The following CCDC73 variants were observed in gnomAD, a reference collection of about 807,000 sequenced individuals.
CCDC73 encodes the protein coiled-coil domain containing 73.
In CCDC73, 95 loss-of-function variants were observed where a neutral mutation model predicts 116.5. The observed-to-expected ratio is 0.82, with a 90% CI of 0.69 to 0.97. The LOEUF (loss-of-function observed/expected upper bound fraction) is 0.97. Among genes scored for constraint, CCDC73 ranks in the 50% least tolerant of loss-of-function variants. The pLI is 0.00. For missense variants in CCDC73, 1,066 were observed against 1,206.8 expected (o/e 0.88, Z 1.73); for synonymous variants, 398 against 401.3 (o/e 0.99, Z 0.10).
chr11:32,687,004 T>C, intron 6 of CCDC73, among the ~76,000 whole-genome samples: 1 of 152,224 alleles, frequency 6.6e-6, no homozygotes, highest in Non-Finnish European at 1.5e-5. Flanking sequence ...TCCTTCACTT[T>C]ATGGAAAATT....
At chr11:32,655,047 CA>C (rs2133263376) in intron 9 of CCDC73, 75 bp from the exon 10 acceptor site, 4 of 631,088 alleles carry the variant, frequency 6.3e-6, no homozygotes, top group Middle Eastern at 3.7e-4. Flanking sequence ...CTGACAGTTT[CA>C]AAGTTCATCC....
chr11:32,631,648 AAAGGAAGGAAAGG>A (rs1456445433), intron 14 of CCDC73, among the ~76,000 whole-genome samples: 59 of 151,868 alleles, frequency 3.9e-4, no homozygotes, highest in East Asian at 1.9e-3. Flanking sequence ...AAAGGAAAGG[AAAGGAAGGAAAGG>A]AAGGAAGGAA....
At chr11:32,830,453 C>CA in the CCDC73 span, 2 of 1,269,010 alleles carry the variant, frequency 1.6e-6, no homozygotes, top group South Asian at 1.8e-5. Context: ...GACAGAAACT[C>CA]AAAGTGCTGA....
At position 32,710,884 on chromosome 11, in the gene CCDC73, A is replaced by T. The variant is rs534760031; in HGVS notation, c.207+7192T>A. The stretch of plus-strand genomic sequence containing the variant: ...AGATGAATAGATGGGACTTAATTAA[A>T]CTAAAAAGATTCTGCACAGCAAAAG... On this transcript the variant is annotated intron_variant, in intron 3 of 17. Coordinates refer to ENST00000335185, the MANE Select transcript of CCDC73 (RefSeq NM_001008391.4). Among the ~76,000 whole-genome samples the T allele has an allele frequency of 3.3e-5, 5 of 152,358 alleles. No individual in the cohort carries two copies. In the East Asian group the frequency reaches 9.6e-4, roughly 29 times the overall value.
the CCDC73 span, among the ~76,000 whole-genome samples, chr11:32,825,147 C>T: frequency 1.3e-5 from 2 of 151,960 alleles, no homozygotes; most frequent in Admixed American, 6.6e-5. Flanking sequence ...CAAGCCAGGG[C>T]GGTACATAAA....
intron 1 of CCDC73, among the ~76,000 whole-genome samples, chr11:32,776,935 AAATATAT>A (rs1850537741): frequency 3.4e-5 from 1 of 29,444 alleles, no homozygotes; most frequent in African/African-American, 1.1e-4. Context: ...TAAAAAAAAA[AAATATAT>A]ATATATATAT....
intron 16 of CCDC73, among the ~76,000 whole-genome samples, chr11:32,612,219 A>G (rs1855427911): frequency 6.6e-6 from 1 of 152,166 alleles, no homozygotes; most frequent in African/African-American, 2.4e-5. Context: ...AAGGTGTCTA[A>G]GTGCACAATG....
chr11:32,767,260 CT>C (rs1275419254), intron 1 of CCDC73, among the ~76,000 whole-genome samples: 1 of 152,180 alleles, frequency 6.6e-6, no homozygotes, highest in Non-Finnish European at 1.5e-5. Context: ...GGAAAACTGG[CT>C]AGCCATATGT....
At chr11:32,621,369 C>A (rs1855521667) in intron 14 of CCDC73, among the ~76,000 whole-genome samples, 1 of 152,138 alleles carries the variant, frequency 6.6e-6, no homozygotes, top group Non-Finnish European at 1.5e-5. Context: ...AATAAGACCA[C>A]ACGTCTACAA....
chr11:32,806,613 C>T, the CCDC73 span, among the ~76,000 whole-genome samples: 1 of 135,894 alleles, frequency 7.4e-6, no homozygotes, highest in East Asian at 2.2e-4. Flanking sequence ...GCCTGGGTGA[C>T]AGAGCAAGAC....
chr11:32,609,080 A>G (rs1189275378), intron 17 of CCDC73, among the ~76,000 whole-genome samples: 3 of 151,982 alleles, frequency 2.0e-5, no homozygotes, highest in Non-Finnish European at 4.4e-5. Flanking sequence ...CCCTGGAGAC[A>G]TTTTCCCCAT....
In CCDC73 at chr11:32,614,114, A is replaced by G. The variant is rs1393906098; in HGVS notation, c.2204T>C (p.Met735Thr). The G allele has an allele frequency of 6.8e-6, 11 of 1,613,622 alleles. No homozygotes were observed. Among genetic ancestry groups the G allele is most frequent in the African/African-American group, 1.3e-5 (1 of 74,920 alleles). The change falls in exon 16 of 18, where the codon ATG (methionine) becomes ACG (threonine). Residue 735 changes from methionine (M) to threonine (T), a missense_variant. Coordinates refer to ENST00000335185, the MANE Select transcript of CCDC73 (RefSeq NM_001008391.4). ...NSDKNVHSMSMLVKPNSSPGG... is the reference protein window; with the variant it reads ...NSDKNVHSMSTLVKPNSSPGG... ...AGGGCTTGAGTTAGGTTTCACCAAC[A>G]TAGACATACTATGGACATTTTTATC...
At chr11:32,744,228 T>C (rs1405461053) in intron 2 of CCDC73, among the ~76,000 whole-genome samples, 1 of 152,250 alleles carries the variant, frequency 6.6e-6, no homozygotes. Context: ...ATGCATATGT[T>C]GAACCAGCCT....
chr11:32,704,815 C>T (rs1227705192), intron 3 of CCDC73, among the ~76,000 whole-genome samples: 1 of 152,136 alleles, frequency 6.6e-6, no homozygotes, highest in Admixed American at 6.5e-5. Context: ...ACCCTGGACT[C>T]AGCCAGACTC....
chr11:32,814,171 A>G, the CCDC73 span, among the ~76,000 whole-genome samples: 389 of 152,330 alleles, frequency 2.6e-3, 1 homozygote, highest in African/African-American at 8.8e-3. Flanking sequence ...AAGTTATGTC[A>G]GATGGCTTTA....
intron 3 of CCDC73, 97 bp from the exon 4 acceptor site, chr11:32,703,041 C>T: frequency 1.2e-6 from 1 of 805,124 alleles, no homozygotes; most frequent in Non-Finnish European, 2.2e-6. Flanking sequence ...TCAACCATAC[C>T]TTCTACATAT....
At chr11:32,795,771 C>T (rs1726018797), upstream of CCDC73, among the ~76,000 whole-genome samples, 1 of 151,624 alleles carries the variant, frequency 6.6e-6, no homozygotes, top group Non-Finnish European at 1.5e-5. Context: ...CTCACTGCAA[C>T]CTCCGCCTCC....
intron 2 of CCDC73, among the ~76,000 whole-genome samples, chr11:32,737,883 T>C (rs1590622572): frequency 6.6e-6 from 1 of 152,092 alleles, no homozygotes; most frequent in Non-Finnish European, 1.5e-5. Flanking sequence ...CATTCTACTC[T>C]CTATCTCCAT....
upstream of CCDC73, among the ~76,000 whole-genome samples, chr11:32,795,810 C>G (rs1360278399): frequency 2.0e-5 from 3 of 152,024 alleles, no homozygotes; most frequent in African/African-American, 7.2e-5. Flanking sequence ...CTGCCTCAGC[C>G]TCCCGAGTAG....
Sources: allele counts gnomAD v4.1 joint callset (sites outside exome capture counted in the v4.1 genomes callset), GRCh38; gene constraint gnomAD v4.1.1; transcripts MANE v1.5; gene names NCBI Gene and HGNC (gene_info 2026-07-23, HGNC 2026-07-21).